Variants in LCN9 observed in about 807,000 individuals in gnomAD.
LCN9 encodes lipocalin 9.
LCN9 carries 22 observed loss-of-function variants against 18.5 expected under a neutral mutation model. That is an observed-to-expected ratio of 1.19 (90% confidence interval 0.85 to 1.70). The LOEUF (loss-of-function observed/expected upper bound fraction) is 1.70. Among genes scored for constraint, LCN9 ranks in the 40% most tolerant of loss-of-function variants. The pLI is 0.00. For synonymous variants in LCN9, 89 were observed against 83.0 expected, an observed-to-expected ratio of 1.07 and a Z score of -0.39; for missense variants, 202 against 201.3, an observed-to-expected ratio of 1.00 and a Z score of -0.02.
rs761004290 is a variant in LCN9, at chr9:135,665,382, C to G, written c.418+27C>G. On this transcript the variant is annotated intron_variant, in intron 4 of 5. Coordinates refer to ENST00000619315, the Ensembl canonical transcript of LCN9. This position sits in a 1 kb window ranked among gnomAD's most constrained non-coding sequence, Gnocchi z 5.9. ...TACCTCCGCTGTCCCCCTCTGACCC[C>G]CTCGGGGACCCCACCTCCTCTGAAG... 1 of 1,529,778 alleles carries G rather than the reference C, an allele frequency of 6.5e-7. No homozygotes were observed. The highest frequency in any genetic ancestry group is 8.9e-7 in the Non-Finnish European group (1 of 1,123,708). 94.8% of individuals were successfully genotyped at this position (1,529,778 alleles called of 1,614,324 possible). A position where few individuals can be genotyped will look rare whatever the true frequency, so the allele number is the denominator to read the frequency against.
exon 6 of LCN9, chr9:135,666,196 C>A: frequency 6.6e-7 from 1 of 1,519,618 alleles, no homozygotes; most frequent in South Asian, 1.2e-5. Context: ...GATTTACTTT[C>A]TCACAGCCTG....
chr9:135,665,105 C>T lies in LCN9; in HGVS notation c.308-140C>T. Reference sequence around the variant, plus strand: ...CCCGCCCCCTGTGCAGGGGTCTCCGCTGGGTGAGCACCGTGGGCTCCTCCC... The same window carrying T: ...CCCGCCCCCTGTGCAGGGGTCTCCGTTGGGTGAGCACCGTGGGCTCCTCCC... On this transcript the variant is annotated intron_variant, in intron 3 of 5. Coordinates refer to ENST00000619315, the Ensembl canonical transcript of LCN9. The surrounding 1 kb of genome is among the most constrained non-coding windows in gnomAD (Gnocchi z 5.9). 1 of 680,812 alleles carries T rather than the reference C, an allele frequency of 1.5e-6. No individual in the cohort carries two copies. The highest frequency in any genetic ancestry group is 1.7e-5 in the South Asian group (1 of 59,064). 42.2% of individuals were successfully genotyped at this position (680,812 alleles called of 1,614,324 possible).
chr9:135,664,993 A>T lies in LCN9; in HGVS notation c.307+198A>T, dbSNP rs981310322. Among the ~76,000 whole-genome samples, 1 of 152,084 alleles carries T rather than the reference A, an allele frequency of 6.6e-6. No homozygotes were observed. The highest frequency in any genetic ancestry group is 1.5e-5 in the Non-Finnish European group (1 of 67,998). ...GGGGAAGCAGGGAGGCAGGTGTGTC[A>T]TGCTGAGCTCTGGGGGGTGAGCCCA... is the stretch of plus-strand genomic sequence containing the variant. On this transcript the variant is annotated intron_variant, in intron 3 of 5. Transcript: ENST00000619315. The surrounding 1 kb of genome is among the most constrained non-coding windows in gnomAD (Gnocchi z 4.5).
rs116357587 is a variant in LCN9 at position 135,666,166 on chromosome 9, C to T, written c.*315C>T. On this transcript the variant is annotated 3_prime_UTR_variant, in exon 6 of 6. Coordinates refer to ENST00000619315, the Ensembl canonical transcript of LCN9. ...CTCCAGGGGCTGATGTCACCATATG[C>T]GGGTGACTAGGACAACCAGGATTTA... 1.5e-3 allele frequency: 2,417 copies of T among 1,561,626 alleles called. 30 individuals carry two copies. In the African/African-American group the frequency reaches 0.028, roughly 18 times the overall value.
At position 135,665,172 on chromosome 9, in the gene LCN9, CG is replaced by C. The variant is rs2119179703; in HGVS notation, c.308-71del. On this transcript the variant is annotated intron_variant, in intron 3 of 5. Coordinates refer to ENST00000619315, the Ensembl canonical transcript of LCN9. This position sits in a 1 kb window ranked among gnomAD's most constrained non-coding sequence, Gnocchi z 5.9. The stretch of plus-strand genomic sequence containing the variant: ...CCACTTGACCCCCCATCCTCACTTG[CG>C]GCCACACAGCACGTGTCACAGGACC... 1 of 1,054,112 alleles carries C rather than the reference CG, an allele frequency of 9.5e-7. No individual in the cohort carries two copies. The highest frequency in any genetic ancestry group is 1.4e-5 in the South Asian group (1 of 73,994). 65.3% of individuals were successfully genotyped at this position (1,054,112 alleles called of 1,614,324 possible).
exon 1 of LCN9, chr9:135,663,330 G>A (rs1834149344): frequency 1.6e-5 from 26 of 1,613,568 alleles, no homozygotes; most frequent in African/African-American, 4.0e-5. Flanking sequence ...AGATGGCTCT[G>A]CTTCTGCTGA....
chr9:135,666,227 G>A (rs546196280), exon 6 of LCN9: 187 of 1,366,174 alleles, frequency 1.4e-4, no homozygotes, highest in Non-Finnish European at 1.7e-4. Context: ...TCTGAAACCC[G>A]AGGTCCGCAG....
intron 1 of LCN9, among the ~76,000 whole-genome samples, chr9:135,663,735 G>A (rs1474026631): frequency 6.7e-6 from 1 of 150,074 alleles, no homozygotes; most frequent in African/African-American, 2.5e-5. Flanking sequence ...AAGTATAGGG[G>A]AGACCTAGGG....
intron 1 of LCN9, among the ~76,000 whole-genome samples, chr9:135,663,926 T>TGGG (rs1554755611): frequency 6.6e-5 from 1 of 15,100 alleles, no homozygotes; most frequent in African/African-American, 2.9e-4. Context: ...AGGGGAGACC[T>TGGG]GGGGGGCAGC....
In LCN9 at chr9:135,665,823, C is replaced by T. The variant is rs1834210645; in HGVS notation, c.*10-38C>T. The T allele has an allele frequency of 6.2e-7, 1 of 1,612,192 alleles. No individual in the cohort carries two copies. Among genetic ancestry groups the T allele is most frequent in the Admixed American group, 1.7e-5 (1 of 59,800 alleles). Reference sequence around the variant, plus strand: ...GGGATGGGAGGTGTGCCTGCGGGGTCCCTGTCCCTGCGCTGAGAGCCCCCT... The same window carrying T: ...GGGATGGGAGGTGTGCCTGCGGGGTTCCTGTCCCTGCGCTGAGAGCCCCCT... On this transcript the variant is annotated intron_variant, in intron 5 of 5. Transcript: ENST00000619315. This position sits in a 1 kb window ranked among gnomAD's most constrained non-coding sequence, Gnocchi z 5.9.
At chr9:135,666,133 G>T (rs748406485) in exon 6 of LCN9, 1 of 1,595,536 alleles carries the variant, frequency 6.3e-7, no homozygotes, top group East Asian at 2.2e-5. Context: ...ATGGGGCCCT[G>T]TGTGAGTCTC....
At position 135,665,944 on chromosome 9, in the gene LCN9, G is replaced by A; in HGVS notation, c.*93G>A. On this transcript the variant is annotated 3_prime_UTR_variant, in exon 6 of 6. Coordinates refer to ENST00000619315, the Ensembl canonical transcript of LCN9. The surrounding 1 kb of genome is among the most constrained non-coding windows in gnomAD (Gnocchi z 5.9). The stretch of plus-strand genomic sequence containing the variant: ...ACTCGGGACGGGCAGGGGGCTGGAT[G>A]GGGAGAGCTTGGGGCCAACGTCAGA... 6.2e-7 allele frequency: 1 copy of A among 1,604,286 alleles called. No homozygotes were observed. Among genetic ancestry groups the A allele is most frequent in the Non-Finnish European group, 8.5e-7 (1 of 1,177,798 alleles).
chr9:135,664,372 GCA>G lies in LCN9; in HGVS notation c.233+82_233+83del. On this transcript the variant is annotated intron_variant, in intron 2 of 5. Coordinates refer to ENST00000619315, the Ensembl canonical transcript of LCN9. The surrounding 1 kb of genome is among the most constrained non-coding windows in gnomAD (Gnocchi z 4.5). ...CACCCCAACGCATACTCTCACTCTT[GCA>G]CACACACGCTCGCACACTCACTGAC... 1 of 1,558,518 alleles carries G rather than the reference GCA, an allele frequency of 6.4e-7. No homozygotes were observed. Among genetic ancestry groups the G allele is most frequent in the Non-Finnish European group, 8.8e-7 (1 of 1,136,714 alleles).
Position 135,664,072 on chromosome 9 carries a change from G to C in LCN9, c.97-90G>C. 2.1e-6 allele frequency: 3 copies of C among 1,427,852 alleles called. No homozygotes were observed. The highest frequency in any genetic ancestry group is 2.9e-6 in the Non-Finnish European group (3 of 1,049,992). The allele number at this position is 1,427,852 out of a possible 1,614,324, so 88.4% of individuals were successfully genotyped here. A position where few individuals can be genotyped will look rare whatever the true frequency, so the allele number is the denominator to read the frequency against. On this transcript the variant is annotated intron_variant, in intron 1 of 5. Transcript: ENST00000619315. This position sits in a 1 kb window ranked among gnomAD's most constrained non-coding sequence, Gnocchi z 4.5. ...TTCTGGTTGGGAGCCAGATGCTAAG[G>C]GGCCGGGCCCTGGGAGGGAAGACTG...
Position 135,665,911 on chromosome 9 carries a change from G to A in LCN9, c.*60G>A. On this transcript the variant is annotated 3_prime_UTR_variant, in exon 6 of 6. Transcript: ENST00000619315. The surrounding 1 kb of genome is among the most constrained non-coding windows in gnomAD (Gnocchi z 5.9). ...GAGCCCGCCCAGGCCTCCCATGCGT[G>A]AGCTGCGACTCGGGACGGGCAGGGG... 6.2e-7 allele frequency: 1 copy of A among 1,611,546 alleles called. No homozygotes were observed. The highest frequency in any genetic ancestry group is 8.5e-7 in the Non-Finnish European group (1 of 1,179,278).
In LCN9 at chr9:135,664,719, C is replaced by T; in HGVS notation, c.234-3C>T. 1 of 1,582,222 alleles carries T rather than the reference C, an allele frequency of 6.3e-7. No homozygotes were observed. Among genetic ancestry groups the T allele is most frequent in the Non-Finnish European group, 8.6e-7 (1 of 1,167,102 alleles). The stretch of plus-strand genomic sequence containing the variant: ...TCCCGGCATCTTCCTGGCTGGCTTC[C>T]AGGGTGCAGGGGGAGTGTGTGGCTG... On this transcript the variant is annotated splice_region_variant and splice_polypyrimidine_tract_variant and intron_variant, in intron 2 of 5. Coordinates refer to ENST00000619315, the Ensembl canonical transcript of LCN9. The surrounding 1 kb of genome is among the most constrained non-coding windows in gnomAD (Gnocchi z 4.5).
Position 135,665,322 on chromosome 9 carries a change from A to G in LCN9, c.385A>G (p.Asn129Asp), listed in dbSNP as rs561054922. Residue 129 changes from asparagine (N) to aspartate (D), a missense_variant, in exon 4 of 6, where the codon AAC becomes GAC. Asn to Asp is a conservative substitution (Grantham distance 23). Coordinates refer to ENST00000619315, the Ensembl canonical transcript of LCN9. The surrounding 1 kb of genome is among the most constrained non-coding windows in gnomAD (Gnocchi z 5.9). ...CACCTTCCACCTCCAGAACTTCAGG[A>G]ACGGGACCGAGACCCACACGCTGGC... The G allele has an allele frequency of 4.4e-6, 7 of 1,592,192 alleles. No individual in the cohort carries two copies. The South Asian group carries it at 6.8e-5, about 15-fold the overall frequency.
Position 135,664,831 on chromosome 9 carries a change from C to CG in LCN9, c.307+41dup. ...GCCAGGCTCCTCCTGGTCTCACAGT[C>CG]GGGGGTCTCCTTTCTCCAGGGCCTG... On this transcript the variant is annotated intron_variant, in intron 3 of 5. Coordinates refer to ENST00000619315, the Ensembl canonical transcript of LCN9. This position sits in a 1 kb window ranked among gnomAD's most constrained non-coding sequence, Gnocchi z 4.5. 4 of 1,546,284 alleles carry CG rather than the reference C, an allele frequency of 2.6e-6. No homozygotes were observed. Among genetic ancestry groups the CG allele is most frequent in the Non-Finnish European group, 2.6e-6 (3 of 1,141,856 alleles).
In LCN9 at chr9:135,665,223, G is replaced by A. The variant is rs756245415; in HGVS notation, c.308-22G>A. The stretch of plus-strand genomic sequence containing the variant: ...CCTGAGGGTGGCGGGGCCAGGCCAC[G>A]CTGAGCCATGTCTCCACGCAGATGA... On this transcript the variant is annotated intron_variant, in intron 3 of 5. Transcript: ENST00000619315. This position sits in a 1 kb window ranked among gnomAD's most constrained non-coding sequence, Gnocchi z 5.9. 38 of 1,524,810 alleles carry A rather than the reference G, an allele frequency of 2.5e-5. No individual in the cohort carries two copies. Among genetic ancestry groups the A allele is most frequent in the South Asian group, 9.5e-5 (8 of 84,182 alleles). The allele number at this position is 1,524,810 out of a possible 1,614,324, so 94.5% of individuals were successfully genotyped here.
Sources: allele counts gnomAD v4.1 joint callset (sites outside exome capture counted in the v4.1 genomes callset), GRCh38; gene constraint gnomAD v4.1.1; non-coding constraint Gnocchi (gnomAD v3.1); transcripts MANE v1.5; gene names NCBI Gene and HGNC (gene_info 2026-07-23, HGNC 2026-07-21).